TNRC6A: variants seen among roughly 807,000 people sequenced by gnomAD.
The protein encoded by TNRC6A is trinucleotide repeat containing adaptor 6A.
A neutral mutation model predicts 221.2 loss-of-function variants in TNRC6A; 44 were observed. That is an observed-to-expected ratio of 0.20 (90% confidence interval 0.16 to 0.26). The LOEUF (loss-of-function observed/expected upper bound fraction) is 0.26, where lower values mean the gene tolerates loss of function less well. Among genes scored for constraint, TNRC6A ranks in the 10% least tolerant of loss-of-function variants. The pLI is 1.00. For synonymous variants in TNRC6A, 847 were observed against 838.5 expected, an observed-to-expected ratio of 1.01 and a Z score of -0.18; for missense variants, 2,199 against 2,404.4, an observed-to-expected ratio of 0.91 and a Z score of 1.79.
At chr16:24,675,307 C>T (rs1257941997) in intron 2 of TNRC6A, among the ~76,000 whole-genome samples, 1 of 152,130 alleles carries the variant, frequency 6.6e-6, no homozygotes, top group African/African-American at 2.4e-5. Context: ...ATGAGAAATG[C>T]TGTGATTCTT....
intron 3 of TNRC6A, among the ~76,000 whole-genome samples, chr16:24,758,050 C>G (rs2057288543): frequency 6.6e-6 from 1 of 152,090 alleles, no homozygotes; most frequent in Non-Finnish European, 1.5e-5. Flanking sequence ...AAGTGCAGCT[C>G]CCATTTAAAA....
At chr16:24,800,854 T>C (rs2058317693) in intron 11 of TNRC6A, among the ~76,000 whole-genome samples, 1 of 152,174 alleles carries the variant, frequency 6.6e-6, no homozygotes, top group Admixed American at 6.5e-5. Context: ...CAAGTCCACA[T>C]GCTGGCCCAG....
At chr16:24,633,628 C>T (rs1316213871) in intron 1 of TNRC6A, among the ~76,000 whole-genome samples, 2 of 152,200 alleles carry the variant, frequency 1.3e-5, no homozygotes, top group Non-Finnish European at 2.9e-5. Context: ...CTCCTGACCT[C>T]GTGACCCACC....
At chr16:24,708,345 A>G (rs756164883) in intron 2 of TNRC6A, among the ~76,000 whole-genome samples, 6 of 151,032 alleles carry the variant, frequency 4.0e-5, no homozygotes, top group Non-Finnish European at 7.4e-5. Flanking sequence ...GGTTCACGCC[A>G]TTCTCAGGCC....
intron 2 of TNRC6A, among the ~76,000 whole-genome samples, chr16:24,687,954 C>CTTTTCTTTTCTTTTCT (rs1555489553): frequency 1.0e-3 from 73 of 70,610 alleles, no homozygotes; most frequent in Middle Eastern, 6.8e-3. Context: ...CTTTTCTTTT[C>CTTTTCTTTTCTTTTCT]TTTTTTTTTT....
chr16:24,626,311 AAC>A (rs1467285876), intron 1 of TNRC6A, among the ~76,000 whole-genome samples: 7 of 152,300 alleles, frequency 4.6e-5, no homozygotes, highest in African/African-American at 1.7e-4. Context: ...ACAGAAATAT[AAC>A]ACACACAGGA....
rs1418494058 is a variant in TNRC6A at position 24,790,193 on chromosome 16, T to A, written c.1551T>A (p.Ser517=). The change falls in exon 6 of 25, where the codon TCT becomes TCA. Residue 517 remains serine, a synonymous_variant. Transcript: ENST00000395799. ...LSNGESKSGG[S]YGTTWGAYGS... ...ATGGAGAGTCAAAAAGTGGAGGCTC[T>A]TATGGTACTACATGGGGTGCCTATG... 1.9e-6 allele frequency: 3 copies of A among 1,614,118 alleles called. No homozygotes were observed. The highest frequency in any genetic ancestry group is 1.7e-6 in the Non-Finnish European group (2 of 1,180,050).
intron 2 of TNRC6A, among the ~76,000 whole-genome samples, chr16:24,748,216 A>G (rs943306058): frequency 1.8e-4 from 27 of 152,232 alleles, no homozygotes; most frequent in African/African-American, 3.9e-4. Flanking sequence ...ATGAAGAAAC[A>G]GAGGCTGAAG....
At chr16:24,820,713 A>G (rs913683967) in intron 22 of TNRC6A, among the ~76,000 whole-genome samples, 16 of 152,262 alleles carry the variant, frequency 1.1e-4, no homozygotes, top group African/African-American at 3.6e-4. Context: ...CTAGGGGGGT[A>G]GCTTGGCCTG....
intron 2 of TNRC6A, among the ~76,000 whole-genome samples, chr16:24,708,023 C>A (rs1165727915): frequency 6.6e-6 from 1 of 151,170 alleles, no homozygotes; most frequent in Non-Finnish European, 1.5e-5. Context: ...CGTGCCACTG[C>A]ACTGCAGCCT....
At chr16:24,684,042 C>T (rs1009243685) in intron 2 of TNRC6A, among the ~76,000 whole-genome samples, 9 of 152,312 alleles carry the variant, frequency 5.9e-5, no homozygotes, top group Non-Finnish European at 1.0e-4. Context: ...CTATTCAACT[C>T]TGCCATTGTA....
chr16:24,796,638 G>A (rs775745312), intron 9 of TNRC6A, among the ~76,000 whole-genome samples: 10 of 152,186 alleles, frequency 6.6e-5, no homozygotes, highest in Non-Finnish European at 1.2e-4. Context: ...CAGAATCTGC[G>A]GAGAGAGTTA....
chr16:24,697,636 G>C (rs2055888164), intron 2 of TNRC6A, among the ~76,000 whole-genome samples: 2 of 152,182 alleles, frequency 1.3e-5, no homozygotes, highest in African/African-American at 4.8e-5. Context: ...AGTGAGCCAA[G>C]ATTGCACCAC....
intron 3 of TNRC6A, among the ~76,000 whole-genome samples, chr16:24,755,262 T>C (rs2057225536): frequency 6.6e-6 from 1 of 152,184 alleles, no homozygotes; most frequent in Admixed American, 6.5e-5. Context: ...TAATGTTAGG[T>C]TGTAATACTT....
At chr16:24,750,663 A>T in intron 2 of TNRC6A, 63 bp from the exon 3 acceptor site, 1 of 1,434,462 alleles carries the variant, frequency 7.0e-7, no homozygotes, top group Non-Finnish European at 9.2e-7. Context: ...ATGAATCTGT[A>T]TGCAACATTA....
chr16:24,726,850 A>G (rs1490235657), upstream of TNRC6A, among the ~76,000 whole-genome samples: 1 of 152,126 alleles, frequency 6.6e-6, no homozygotes, highest in Non-Finnish European at 1.5e-5. Context: ...GGTCCCACAT[A>G]AGGAATCAGT....
chr16:24,685,781 T>C (rs1461800572), intron 2 of TNRC6A, among the ~76,000 whole-genome samples: 1 of 152,164 alleles, frequency 6.6e-6, no homozygotes, highest in Non-Finnish European at 1.5e-5. Context: ...GTAAAATGGG[T>C]ATGATAGTAA....
At chr16:24,705,451 C>G (rs760312499) in intron 2 of TNRC6A, among the ~76,000 whole-genome samples, 23 of 152,256 alleles carry the variant, frequency 1.5e-4, no homozygotes, top group Non-Finnish European at 2.6e-4. Flanking sequence ...CCTGCCTCAG[C>G]CTCCCAAGTA....
intron 2 of TNRC6A, among the ~76,000 whole-genome samples, chr16:24,666,999 C>G (rs955278349): frequency 1.3e-5 from 2 of 151,896 alleles, no homozygotes; most frequent in Admixed American, 6.6e-5. Flanking sequence ...GCCTGTAGCC[C>G]CAGCTACTCA....
Sources: gnomAD v4.1 joint callset for allele counts (sites outside exome capture counted in the v4.1 genomes callset) on GRCh38, gnomAD v4.1.1 for gene constraint, MANE v1.5 for transcripts, NCBI Gene and HGNC (gene_info 2026-07-23, HGNC 2026-07-21) for gene names.